CLEC16A: variants seen among roughly 807,000 people sequenced by gnomAD.
CLEC16A encodes C-type lectin domain containing 16A.
In CLEC16A, 51 loss-of-function variants were observed where a neutral mutation model predicts 109.5. The ratio of observed to expected loss-of-function variants is 0.47; its 90% CI spans 0.37 to 0.59. The LOEUF (loss-of-function observed/expected upper bound fraction) is 0.59. CLEC16A is among the 20% of genes least tolerant of loss of function. The pLI is 0.00. For synonymous variants in CLEC16A, 673 were observed against 564.2 expected (o/e 1.19, Z -2.73); for missense variants, 1,339 against 1,394.0 (o/e 0.96, Z 0.63).
intron 19 of CLEC16A, among the ~76,000 whole-genome samples, chr16:11,064,328 G>A (rs2048650660): frequency 6.6e-6 from 1 of 152,242 alleles, no homozygotes; most frequent in Non-Finnish European, 1.5e-5. Flanking sequence ...AGGCCAGGGT[G>A]CAGGGGCCTG....
intron 1 of CLEC16A, among the ~76,000 whole-genome samples, chr16:10,948,156 G>A (rs1279059723): frequency 6.6e-6 from 1 of 152,194 alleles, no homozygotes; most frequent in Non-Finnish European, 1.5e-5. Flanking sequence ...ACCTCCCAAA[G>A]TGCTGGGATT....
chr16:11,008,823 T>C (rs1382733334), intron 11 of CLEC16A, among the ~76,000 whole-genome samples: 2 of 107,968 alleles, frequency 1.9e-5, no homozygotes, highest in African/African-American at 8.6e-5. Context: ...ACCCCGTCTC[T>C]ACTAAAAAAA....
intron 22 of CLEC16A, among the ~76,000 whole-genome samples, chr16:11,136,666 C>T (rs1177587615): frequency 2.0e-5 from 3 of 152,194 alleles, no homozygotes; most frequent in East Asian, 1.9e-4. Flanking sequence ...GGTAAAACAC[C>T]GGGGTGTAAT....
At chr16:11,098,032 C>T (rs987876962) in intron 19 of CLEC16A, among the ~76,000 whole-genome samples, 8 of 152,182 alleles carry the variant, frequency 5.3e-5, no homozygotes, top group East Asian at 1.9e-4. Context: ...AGCTTTAAGG[C>T]GCCCGGTGCC....
At chr16:11,061,065 T>G (rs1486460641) in intron 19 of CLEC16A, 43 bp downstream of exon 19, 2 of 1,547,446 alleles carry the variant, frequency 1.3e-6, no homozygotes, top group Non-Finnish European at 1.7e-6. Flanking sequence ...CTGGGGGACA[T>G]GGGACATGGG....
chr16:11,175,782 A>G (rs1433908820), intron 23 of CLEC16A, among the ~76,000 whole-genome samples: 2 of 152,210 alleles, frequency 1.3e-5, no homozygotes, highest in Admixed American at 6.5e-5. Flanking sequence ...TCTTTTTGAT[A>G]TATTTGCCTA....
intron 22 of CLEC16A, chr16:11,156,647 CTG>C: frequency 2.3e-6 from 3 of 1,304,308 alleles, no homozygotes; most frequent in Non-Finnish European, 3.0e-6. Context: ...GGCTGACAGA[CTG>C]TTGTGGAGGT....
intron 12 of CLEC16A, among the ~76,000 whole-genome samples, chr16:11,023,021 A>ACTTTTT (rs2046208053): frequency 6.6e-6 from 1 of 150,622 alleles, no homozygotes; most frequent in African/African-American, 2.4e-5. Flanking sequence ...AATCTTAAAA[A>ACTTTTT]GCATAAAGGG....
chr16:10,952,320 C>T (rs559501610), intron 1 of CLEC16A, among the ~76,000 whole-genome samples: 17 of 152,296 alleles, frequency 1.1e-4, no homozygotes, highest in Non-Finnish European at 1.9e-4. Flanking sequence ...ATGGCTAAAC[C>T]CCATCTCTAC....
intron 19 of CLEC16A, among the ~76,000 whole-genome samples, chr16:11,096,872 A>G (rs1470560844): frequency 6.6e-6 from 1 of 152,230 alleles, no homozygotes; most frequent in Non-Finnish European, 1.5e-5. Context: ...ATTTCAATAC[A>G]AAGGGAGGGA....
intron 19 of CLEC16A, among the ~76,000 whole-genome samples, chr16:11,101,610 C>A (rs1444704224): frequency 6.6e-6 from 1 of 152,168 alleles, no homozygotes; most frequent in Non-Finnish European, 1.5e-5. Context: ...TCTCCACAGA[C>A]GTCTAGTGAG....
chr16:11,053,452 A>G (rs961609691), intron 18 of CLEC16A, among the ~76,000 whole-genome samples: 1 of 149,438 alleles, frequency 6.7e-6, no homozygotes, highest in African/African-American at 2.5e-5. Context: ...ACTGCAACAC[A>G]CTCTGCCCCC....
chr16:11,036,610 C>T (rs1219094714), intron 13 of CLEC16A, among the ~76,000 whole-genome samples: 3 of 145,410 alleles, frequency 2.1e-5, no homozygotes, highest in East Asian at 4.1e-4. Context: ...ACTGCAGTGG[C>T]GCAGTCTCAG....
At chr16:11,033,055 G>A (rs566107759) in intron 13 of CLEC16A, among the ~76,000 whole-genome samples, 5 of 152,192 alleles carry the variant, frequency 3.3e-5, no homozygotes, top group South Asian at 2.1e-4. Context: ...TCATCCAGGC[G>A]AGATAATGTG....
At chr16:11,066,974 G>C (rs542014669) in intron 19 of CLEC16A, among the ~76,000 whole-genome samples, 1 of 152,046 alleles carries the variant, frequency 6.6e-6, no homozygotes, top group Non-Finnish European at 1.5e-5. Context: ...TTTGTTTACC[G>C]AGTAGTCATT....
chr16:10,947,533 G>A (rs545259208), intron 1 of CLEC16A, among the ~76,000 whole-genome samples: 3 of 152,318 alleles, frequency 2.0e-5, no homozygotes, highest in East Asian at 3.9e-4. Flanking sequence ...GGCGGGAGGC[G>A]GAGCACTGTG....
chr16:10,972,346 T>G (rs1009000109), intron 5 of CLEC16A: 8 of 571,834 alleles, frequency 1.4e-5, no homozygotes, highest in Admixed American at 1.3e-4. Context: ...TGTAAGATTG[T>G]GACCCTGGTC....
intron 23 of CLEC16A, among the ~76,000 whole-genome samples, chr16:11,172,584 A>T (rs1454102048): frequency 2.0e-5 from 3 of 152,184 alleles, no homozygotes; most frequent in African/African-American, 7.2e-5. Context: ...GTAATTAAAC[A>T]TTCATTTTTA....
intron 9 of CLEC16A, among the ~76,000 whole-genome samples, chr16:10,979,762 G>A (rs1209736374): frequency 2.0e-5 from 3 of 152,148 alleles, no homozygotes; most frequent in African/African-American, 7.2e-5. Context: ...CCCACAGCGT[G>A]CATACACACA....
Sources: allele counts gnomAD v4.1 joint callset (sites outside exome capture counted in the v4.1 genomes callset), GRCh38; gene constraint gnomAD v4.1.1; transcripts MANE v1.5; gene names NCBI Gene and HGNC (gene_info 2026-07-23, HGNC 2026-07-21).